The following VPS53 variants were observed in gnomAD, a reference collection of about 807,000 sequenced individuals.
The protein encoded by VPS53 is VPS53 subunit of GARP complex.
VPS53 carries 70 observed loss-of-function variants against 107.0 expected under a neutral mutation model. The ratio of observed to expected loss-of-function variants is 0.65; its 90% CI spans 0.54 to 0.80. The LOEUF is 0.80. VPS53 is among the 30% of genes least tolerant of loss of function. The pLI, the probability that VPS53 is intolerant of heterozygous loss-of-function variation, is 0.00. For missense variants in VPS53, 917 were observed against 1,049.4 expected (o/e 0.87, Z 1.74); for synonymous variants, 409 against 393.3 (o/e 1.04, Z -0.47).
rs201431069 is a variant in VPS53 at position 714,623 on chromosome 17, C to T, written c.87G>A (p.Gln29=). The change falls in exon 1 of 22, where the codon CAG becomes CAA. Residue 29 remains glutamine, a splice_region_variant and synonymous_variant. Coordinates refer to ENST00000437048, the MANE Select transcript of VPS53 (RefSeq NM_001128159.3). The part of the protein sequence containing the change: ...LTPEVQLAIE[Q]VFPSQDPLDR... ...CCCTCCTGAGGGGCGGAACGCTTACCTGCTCGATGGCCAGCTGCACCTCGG... is the reference window on the plus strand; with the variant it reads ...CCCTCCTGAGGGGCGGAACGCTTACTTGCTCGATGGCCAGCTGCACCTCGG... 19 of 1,611,480 alleles carry T rather than the reference C, an allele frequency of 1.2e-5. No homozygotes were observed. The Admixed American group carries it at 3.0e-4, about 25-fold the overall frequency.
chr17:583,635 A>G (rs1680314577), intron 13 of VPS53, among the ~76,000 whole-genome samples: 1 of 151,316 alleles, frequency 6.6e-6, no homozygotes, highest in African/African-American at 2.4e-5. Context: ...AACCTCCCTC[A>G]GAACCTAATG....
chr17:673,454 C>T (rs1256011569), intron 4 of VPS53, among the ~76,000 whole-genome samples: 3 of 152,088 alleles, frequency 2.0e-5, no homozygotes, highest in African/African-American at 4.8e-5. Flanking sequence ...GCAGAGGCTG[C>T]GGGACTCTCA....
intron 4 of VPS53, among the ~76,000 whole-genome samples, chr17:681,940 T>A (rs1242075088): frequency 6.6e-6 from 1 of 152,174 alleles, no homozygotes; most frequent in Non-Finnish European, 1.5e-5. Context: ...TTAAATCCTG[T>A]CACAATAGGG....
At position 520,023 on chromosome 17, in the gene VPS53, C is replaced by G. The variant is rs764709585; in HGVS notation, c.2224-93G>C. The stretch of plus-strand genomic sequence containing the variant: ...GCCCTCAAGAAAACTCACTACCCAC[C>G]GCAGGAGGAGACGGGAGCGGGCCCT... On this transcript the variant is annotated intron_variant, in intron 20 of 21. Transcript: ENST00000437048. The surrounding 1 kb of genome is among the most constrained non-coding windows in gnomAD (Gnocchi z 4.4). The G allele has an allele frequency of 1.2e-6, 1 of 841,028 alleles. No homozygotes were observed. The highest frequency in any genetic ancestry group is 3.2e-4 in the Middle Eastern group (1 of 3,086). 52.1% of individuals were successfully genotyped at this position (841,028 alleles called of 1,614,324 possible). A position where few individuals can be genotyped will look rare whatever the true frequency, so the allele number is the denominator to read the frequency against.
intron 7 of VPS53, among the ~76,000 whole-genome samples, chr17:652,517 C>T (rs192455575): frequency 3.1e-4 from 47 of 152,164 alleles, no homozygotes; most frequent in Non-Finnish European, 5.6e-4. Flanking sequence ...GCCACCTTAC[C>T]GTGAGGAAGT....
chr17:702,753 A>G (rs1973254930), intron 2 of VPS53, among the ~76,000 whole-genome samples: 1 of 152,210 alleles, frequency 6.6e-6, no homozygotes, highest in Non-Finnish European at 1.5e-5. Flanking sequence ...TTTTCCCTTC[A>G]TTTCCAGGCT....
rs763133727 is a variant in VPS53 at position 653,296 on chromosome 17, G to A, written c.603C>T (p.Ser201=). 3.7e-6 allele frequency: 6 copies of A among 1,613,918 alleles called. No homozygotes were observed. Among genetic ancestry groups the A allele is most frequent in the South Asian group, 3.3e-5 (3 of 91,060 alleles). Residue 201 remains serine (S), a synonymous_variant, in exon 7 of 22, where the codon TCC becomes TCT. Transcript: ENST00000437048. ...YMGIPQIRQL[S]ERVKAAQTEL... The stretch of plus-strand genomic sequence containing the variant: ...TCCCTCTGGTGACAGTTTACCTTTC[G>A]GAAAGCTGCCGGATCTGCGGAATCC...
intron 17 of VPS53, among the ~76,000 whole-genome samples, chr17:541,779 G>A (rs1017838722): frequency 6.3e-5 from 6 of 94,856 alleles, no homozygotes; most frequent in African/African-American, 2.1e-4. Flanking sequence ...CGCACCGGGC[G>A]CTGAAGGAAC....
chr17:669,784 C>T (rs1319026693), intron 4 of VPS53, among the ~76,000 whole-genome samples: 15 of 150,600 alleles, frequency 1.0e-4, no homozygotes, highest in Non-Finnish European at 2.1e-4. Flanking sequence ...CCCAGCTACT[C>T]GGGAGGCTGA....
intron 11 of VPS53, among the ~76,000 whole-genome samples, chr17:617,731 A>G: frequency 6.7e-6 from 1 of 150,250 alleles, no homozygotes; most frequent in Non-Finnish European, 1.5e-5. Flanking sequence ...TTTCCCAGGT[A>G]GCTGGGACTA....
At chr17:579,880 T>C (rs370614140) in intron 13 of VPS53, among the ~76,000 whole-genome samples, 2 of 150,126 alleles carry the variant, frequency 1.3e-5, no homozygotes, top group Non-Finnish European at 3.0e-5. Flanking sequence ...AGAACCTCAG[T>C]GCATTACCAG....
intron 3 of VPS53, among the ~76,000 whole-genome samples, chr17:697,799 G>A (rs1264684321): frequency 3.9e-5 from 6 of 152,100 alleles, no homozygotes; most frequent in Non-Finnish European, 8.8e-5. Context: ...ACAAAGTTCC[G>A]GAGCCTTTAC....
At chr17:558,365 G>A (rs1912629860) in intron 15 of VPS53, among the ~76,000 whole-genome samples, 1 of 152,200 alleles carries the variant, frequency 6.6e-6, no homozygotes, top group Non-Finnish European at 1.5e-5. Flanking sequence ...TACTCACAGT[G>A]GCTCACGTCT....
intron 12 of VPS53, among the ~76,000 whole-genome samples, chr17:592,638 C>T (rs1190852508): frequency 3.9e-5 from 6 of 152,104 alleles, no homozygotes. Context: ...TTTATTTCTC[C>T]TTCACTTATG....
chr17:633,837 C>G (rs1030923298), intron 7 of VPS53, among the ~76,000 whole-genome samples: 16 of 152,176 alleles, frequency 1.1e-4, no homozygotes, highest in African/African-American at 3.4e-4. Context: ...AATTGTACTT[C>G]GGAGCTTCTT....
At chr17:632,603 A>C (rs1597407107) in intron 7 of VPS53, 1 of 399,088 alleles carries the variant, frequency 2.5e-6, no homozygotes, top group East Asian at 7.4e-5. Context: ...CAAATACTAG[A>C]TCGTATCATT....
At chr17:695,119 T>A (rs1410353456) in intron 4 of VPS53, among the ~76,000 whole-genome samples, 1 of 152,194 alleles carries the variant, frequency 6.6e-6, no homozygotes, top group Non-Finnish European at 1.5e-5. Flanking sequence ...AGACTTGTTC[T>A]CTGGTAAGTC....
In VPS53 at chr17:572,688, A is replaced by G. The variant is rs190921124; in HGVS notation, c.1314-9943T>C. Among the ~76,000 whole-genome samples the G allele has an allele frequency of 3.3e-5, 5 of 150,756 alleles. No homozygotes were observed. The East Asian group carries it at 5.8e-4, about 17-fold the overall frequency. On this transcript the variant is annotated intron_variant, in intron 13 of 21. Coordinates refer to ENST00000437048, the MANE Select transcript of VPS53 (RefSeq NM_001128159.3). Reference sequence around the variant, plus strand: ...TTTTCATTTTGTTCTGTACCAAGAAAAATTCTTCTGCCTTGGGATCCTGTT... The same window carrying G: ...TTTTCATTTTGTTCTGTACCAAGAAGAATTCTTCTGCCTTGGGATCCTGTT...
intron 4 of VPS53, among the ~76,000 whole-genome samples, chr17:681,321 G>C (rs1057377282): frequency 1.3e-5 from 2 of 152,176 alleles, no homozygotes; most frequent in African/African-American, 4.8e-5. Flanking sequence ...ATTTTTAGTA[G>C]AGACATGGTT....
Sources: gnomAD v4.1 joint callset for allele counts (sites outside exome capture counted in the v4.1 genomes callset) on GRCh38, gnomAD v4.1.1 for gene constraint, Gnocchi (gnomAD v3.1) non-coding constraint, MANE v1.5 for transcripts, NCBI Gene and HGNC (gene_info 2026-07-23, HGNC 2026-07-21) for gene names.